Variants in FOXP1 observed in about 807,000 individuals in gnomAD.
The protein encoded by FOXP1 is forkhead box protein P1.
In FOXP1, 15 loss-of-function variants were observed where a neutral mutation model predicts 98.2. The ratio of observed to expected loss-of-function variants is 0.15; its 90% confidence interval spans 0.10 to 0.24. FOXP1 has a LOEUF of 0.24. Among genes scored for constraint, FOXP1 ranks in the 10% least tolerant of loss-of-function variants. FOXP1 has a pLI of 1.00. For synonymous variants in FOXP1, 371 were observed against 314.5 expected, an observed-to-expected ratio of 1.18 and a Z score of -1.90; for missense variants, 633 against 848.5, an observed-to-expected ratio of 0.75 and a Z score of 3.15.
At chr3:71,468,624 C>A (rs1373368588) in intron 3 of FOXP1, among the ~76,000 whole-genome samples, 1 of 152,178 alleles carries the variant, frequency 6.6e-6, no homozygotes, top group Admixed American at 6.5e-5. Flanking sequence ...TTTAACCGTT[C>A]TAAAAAGATC....
At chr3:71,434,586 T>C (rs934453461) in intron 3 of FOXP1, among the ~76,000 whole-genome samples, 1 of 151,060 alleles carries the variant, frequency 6.6e-6, no homozygotes, top group Non-Finnish European at 1.5e-5. Context: ...GTATATGAAA[T>C]AGTAAAACCA....
chr3:71,143,375 C>T (rs967696880), intron 6 of FOXP1, among the ~76,000 whole-genome samples: 4 of 152,146 alleles, frequency 2.6e-5, no homozygotes, highest in Admixed American at 1.3e-4. Flanking sequence ...GAAAGGAGGT[C>T]AGCATGAGGT....
chr3:70,966,160 G>A, intron 19 of FOXP1, 104 bp from the exon 20 acceptor site: 2 of 1,041,342 alleles, frequency 1.9e-6, no homozygotes, highest in Non-Finnish European at 3.0e-6. Context: ...GTTAATTGTA[G>A]CATGGCTGGC....
chr3:71,569,621 T>C (rs545558454), intron 2 of FOXP1, among the ~76,000 whole-genome samples: 1 of 152,108 alleles, frequency 6.6e-6, no homozygotes, highest in African/African-American at 2.4e-5. Flanking sequence ...TAAATATGAG[T>C]AGTATATTCA....
chr3:71,064,061 CACGTCCAA>C (rs1410663933), intron 7 of FOXP1, among the ~76,000 whole-genome samples: 1 of 152,132 alleles, frequency 6.6e-6, no homozygotes, highest in African/African-American at 2.4e-5. Flanking sequence ...CAGTCTGCTG[CACGTCCAA>C]ACCCAAACCC....
chr3:71,474,250 T>A (rs2106737978), intron 3 of FOXP1, among the ~76,000 whole-genome samples: 1 of 152,040 alleles, frequency 6.6e-6, no homozygotes, highest in Non-Finnish European at 1.5e-5. Flanking sequence ...TAAACCACAT[T>A]TAACTGGCCA....
At chr3:71,388,962 T>C (rs1029693974) in intron 3 of FOXP1, among the ~76,000 whole-genome samples, 2 of 152,076 alleles carry the variant, frequency 1.3e-5, no homozygotes, top group African/African-American at 4.8e-5. Flanking sequence ...GAAATCGAGA[T>C]AACAAAAATG....
chr3:71,255,269 A>C (rs1576612901), intron 5 of FOXP1, among the ~76,000 whole-genome samples: 1 of 152,224 alleles, frequency 6.6e-6, no homozygotes, highest in East Asian at 1.9e-4. Flanking sequence ...TTAGGTCAGA[A>C]TATAATAGCC....
At chr3:70,971,974 G>C in intron 18 of FOXP1, 3 of 1,356,692 alleles carry the variant, frequency 2.2e-6, no homozygotes, top group Admixed American at 3.5e-5. Context: ...CAAAGCAACA[G>C]CAGAAAAAAA....
chr3:71,461,162 T>C (rs2088059286), intron 3 of FOXP1, among the ~76,000 whole-genome samples: 1 of 152,196 alleles, frequency 6.6e-6, no homozygotes, highest in Non-Finnish European at 1.5e-5. Flanking sequence ...AAATGGTGCC[T>C]AAAAGTTATA....
At chr3:71,061,268 C>T (rs571483986) in intron 7 of FOXP1, among the ~76,000 whole-genome samples, 4 of 152,202 alleles carry the variant, frequency 2.6e-5, no homozygotes, top group African/African-American at 7.2e-5. Context: ...TAAGACTATC[C>T]CCAAATCTAG....
At chr3:71,174,823 CACA>C (rs1560064168) in intron 6 of FOXP1, among the ~76,000 whole-genome samples, 15 of 151,340 alleles carry the variant, frequency 9.9e-5, no homozygotes, top group Middle Eastern at 3.4e-3. Context: ...CACACACACA[CACA>C]CCCCAATATA....
intron 19 of FOXP1, chr3:70,968,816 C>G (rs1440190112): frequency 1.3e-5 from 2 of 152,166 alleles, no homozygotes; most frequent in Non-Finnish European, 2.9e-5. Context: ...GGCCTGCTGG[C>G]AGAATCCTTA....
chr3:71,379,866 T>A (rs1205867794), intron 3 of FOXP1, among the ~76,000 whole-genome samples: 1 of 152,224 alleles, frequency 6.6e-6, no homozygotes, highest in East Asian at 1.9e-4. Flanking sequence ...ACCATTGTTC[T>A]GGCTTCATAG....
intron 5 of FOXP1, among the ~76,000 whole-genome samples, chr3:71,274,445 G>A (rs562504192): frequency 6.6e-6 from 1 of 152,078 alleles, no homozygotes; most frequent in Non-Finnish European, 1.5e-5. Context: ...GCTGGAGCTC[G>A]TCACCACCAG....
intron 2 of FOXP1, among the ~76,000 whole-genome samples, chr3:71,514,352 C>G (rs966856555): frequency 3.9e-5 from 6 of 152,218 alleles, no homozygotes; most frequent in African/African-American, 1.4e-4. Flanking sequence ...ACAGCCCACT[C>G]TCACTCCACA....
intron 5 of FOXP1, among the ~76,000 whole-genome samples, chr3:71,225,427 T>C (rs767145675): frequency 1.3e-5 from 2 of 152,186 alleles, no homozygotes; most frequent in Non-Finnish European, 2.9e-5. Flanking sequence ...AATAAAAGCA[T>C]GTTAAACAAA....
intron 7 of FOXP1, among the ~76,000 whole-genome samples, chr3:71,104,867 T>A (rs889631023): frequency 3.3e-5 from 5 of 152,204 alleles, no homozygotes; most frequent in Non-Finnish European, 7.3e-5. Context: ...TGAATGATGT[T>A]TCTGGAGCAT....
intron 4 of FOXP1, among the ~76,000 whole-genome samples, chr3:71,345,871 T>TAAAAAA (rs71120316): frequency 6.2e-4 from 34 of 55,094 alleles, no homozygotes; most frequent in Middle Eastern, 0.014. Context: ...AAAGTTTTTG[T>TAAAAAA]AAAAAAAAAA....
Sources: allele counts gnomAD v4.1 joint callset (sites outside exome capture counted in the v4.1 genomes callset), GRCh38; gene constraint gnomAD v4.1.1; transcripts MANE v1.5; gene names NCBI Gene and HGNC (gene_info 2026-07-23, HGNC 2026-07-21).